The following CSNK2A2 variants were observed in gnomAD, a reference collection of about 807,000 sequenced individuals.
CSNK2A2 encodes casein kinase II subunit alpha'.
In CSNK2A2, 8 loss-of-function variants were observed where a neutral mutation model predicts 54.0. The ratio of observed to expected loss-of-function variants is 0.15; its 90% CI spans 0.09 to 0.27. The LOEUF is 0.27. Ranked by LOEUF, CSNK2A2 falls within the 10% of genes least tolerant of loss-of-function variation. CSNK2A2 has a pLI of 1.00. For missense variants in CSNK2A2, 242 were observed against 439.4 expected, an observed-to-expected ratio of 0.55 and a Z score of 4.02; for synonymous variants, 141 against 153.9, an observed-to-expected ratio of 0.92 and a Z score of 0.62.
intron 8 of CSNK2A2, 43 bp downstream of exon 8, chr16:58,167,164 C>T (rs1324452932): frequency 2.1e-6 from 3 of 1,423,412 alleles, no homozygotes; most frequent in South Asian, 2.5e-5. Context: ...ATTTTTTTGG[C>T]ATTCACCCCC....
At chr16:58,183,603 CG>C (rs1256383306) in intron 4 of CSNK2A2, among the ~76,000 whole-genome samples, 1 of 152,030 alleles carries the variant, frequency 6.6e-6, no homozygotes, top group African/African-American at 2.4e-5. Flanking sequence ...TTTTAAATTA[CG>C]TTCTAAAAAA....
chr16:58,169,796 A>G (rs1187760038), intron 5 of CSNK2A2, among the ~76,000 whole-genome samples: 1 of 152,122 alleles, frequency 6.6e-6, no homozygotes, highest in Non-Finnish European at 1.5e-5. Context: ...CATGCCTGTA[A>G]TCCCAGAACT....
intron 5 of CSNK2A2, among the ~76,000 whole-genome samples, chr16:58,171,192 G>A (rs750129498): frequency 4.6e-5 from 7 of 152,060 alleles, no homozygotes; most frequent in East Asian, 1.9e-4. Flanking sequence ...AAGCTCCCTC[G>A]ATCTGTGCTT....
chr16:58,178,090 C>T (rs1427215520), intron 4 of CSNK2A2, among the ~76,000 whole-genome samples: 1 of 152,156 alleles, frequency 6.6e-6, no homozygotes, highest in East Asian at 1.9e-4. Context: ...GTAAACTCAA[C>T]CTCTAACAGA....
chr16:58,176,342 T>C (rs750316472), intron 4 of CSNK2A2, among the ~76,000 whole-genome samples: 29 of 152,284 alleles, frequency 1.9e-4, no homozygotes, highest in South Asian at 4.1e-4. Flanking sequence ...AAAATAAATG[T>C]CTCTGGACTG....
At chr16:58,163,253 CAAAAAAAAAAAAAAA>C (rs55808367) in intron 11 of CSNK2A2, 2 of 66,598 alleles carry the variant, frequency 3.0e-5, no homozygotes, top group African/African-American at 1.4e-4. Context: ...ACAAGGCTGC[CAAAAAAAAAAAAAAA>C]AAAAAAAAAG....
rs1006567762 is a variant in CSNK2A2 at position 58,164,108 on chromosome 16, T to C, written c.1016A>G (p.Asn339Ser). ...VKEQSQPCAD[N>S]AVLSSGLTAA... ...CGTGAGACCACTGGAAAGCACAGCA[T>C]TGTCTGCACAAGGCTGGGACTGCTC... is the stretch of plus-strand genomic sequence containing the variant. Residue 339 changes from asparagine to serine, a missense_variant, in exon 11 of 12, where the codon AAT (asparagine) becomes AGT (serine). Physicochemically the swap from Asn to Ser is conservative, Grantham distance 46 (BLOSUM62 1). Coordinates refer to ENST00000262506, the MANE Select transcript of CSNK2A2 (RefSeq NM_001896.4). 6.2e-6 allele frequency: 10 copies of C among 1,613,870 alleles called. No individual in the cohort carries two copies. In the African/African-American group the frequency reaches 6.7e-5, roughly 11 times the overall value.
intron 4 of CSNK2A2, among the ~76,000 whole-genome samples, chr16:58,176,318 T>C (rs1283730114): frequency 6.6e-6 from 1 of 152,218 alleles, no homozygotes; most frequent in Admixed American, 6.5e-5. Context: ...TCTGTATAAA[T>C]GGTGTAAGCC....
At chr16:58,178,432 G>C (rs997866157) in intron 4 of CSNK2A2, among the ~76,000 whole-genome samples, 12 of 151,806 alleles carry the variant, frequency 7.9e-5, no homozygotes, top group African/African-American at 2.9e-4. Context: ...CTACAGGCGT[G>C]CACCATAGCC....
intron 2 of CSNK2A2, among the ~76,000 whole-genome samples, chr16:58,188,620 A>G (rs1400580759): frequency 6.6e-6 from 1 of 152,266 alleles, no homozygotes; most frequent in African/African-American, 2.4e-5. Flanking sequence ...TGAGAGCTGT[A>G]GATTAGGTAA....
intron 2 of CSNK2A2, among the ~76,000 whole-genome samples, chr16:58,187,164 A>G (rs138537691): frequency 2.3e-3 from 350 of 151,318 alleles, no homozygotes; most frequent in African/African-American, 7.9e-3. Context: ...GGCTTACTAG[A>G]TAACTGCCAA....
intron 5 of CSNK2A2, among the ~76,000 whole-genome samples, chr16:58,171,976 T>TA: frequency 2.8e-5 from 1 of 35,722 alleles, no homozygotes; most frequent in South Asian, 8.5e-4. Context: ...TATATATATA[T>TA]ATATTTTTTT....
chr16:58,164,207 T>C, intron 10 of CSNK2A2, 60 bp from the exon 11 acceptor site: 8 of 1,500,256 alleles, frequency 5.3e-6, no homozygotes, highest in South Asian at 1.1e-5. Context: ...GAGAAGCCCA[T>C]GGCAAACCCA....
intron 4 of CSNK2A2, among the ~76,000 whole-genome samples, chr16:58,178,642 C>A (rs562113565): frequency 1.3e-5 from 2 of 152,318 alleles, no homozygotes; most frequent in Admixed American, 6.5e-5. Context: ...TAGAGACTGA[C>A]TTTTCTCATT....
At chr16:58,176,496 G>C (rs902350722) in intron 4 of CSNK2A2, among the ~76,000 whole-genome samples, 17 of 152,208 alleles carry the variant, frequency 1.1e-4, no homozygotes, top group Non-Finnish European at 2.1e-4. Flanking sequence ...CTCCGGGTAG[G>C]AGGAGACCAA....
chr16:58,171,632 G>A (rs951643643), intron 5 of CSNK2A2, among the ~76,000 whole-genome samples: 3 of 151,918 alleles, frequency 2.0e-5, no homozygotes, highest in African/African-American at 7.3e-5. Context: ...AGCCCTGCAG[G>A]ATGTTCACAA....
chr16:58,169,249 G>A (rs911641249), intron 5 of CSNK2A2, among the ~76,000 whole-genome samples: 2 of 152,002 alleles, frequency 1.3e-5, no homozygotes, highest in African/African-American at 4.8e-5. Flanking sequence ...TTAAAAGAGG[G>A]GGTGATGAGG....
At chr16:58,173,218 C>T (rs1183414811) in intron 5 of CSNK2A2, among the ~76,000 whole-genome samples, 1 of 152,154 alleles carries the variant, frequency 6.6e-6, no homozygotes, top group African/African-American at 2.4e-5. Context: ...CGACCTTTTT[C>T]GTGTTTCTGA....
At chr16:58,189,040 T>A (rs924474068) in intron 2 of CSNK2A2, among the ~76,000 whole-genome samples, 3 of 146,070 alleles carry the variant, frequency 2.1e-5, no homozygotes, top group Non-Finnish European at 4.5e-5. Context: ...CACTGCAAGC[T>A]CCGCCTCCCA....
Sources: allele counts gnomAD v4.1 joint callset (sites outside exome capture counted in the v4.1 genomes callset), GRCh38; gene constraint gnomAD v4.1.1; transcripts MANE v1.5; gene names NCBI Gene and HGNC (gene_info 2026-07-23, HGNC 2026-07-21).